Variants in BAG5 observed in about 807,000 individuals in gnomAD.
The protein encoded by BAG5 is BAG cochaperone 5.
A neutral mutation model predicts 31.8 loss-of-function variants in BAG5; 25 were observed. The observed-to-expected ratio is 0.79, with a 90% CI of 0.57 to 1.10. BAG5 has a LOEUF of 1.10. BAG5 is among the 50% of genes least tolerant of loss of function. The pLI, the probability that BAG5 is intolerant of heterozygous loss-of-function variation, is 0.00. For missense variants in BAG5, 491 were observed against 527.9 expected, an observed-to-expected ratio of 0.93 and a Z score of 0.68; for synonymous variants, 208 against 205.0, an observed-to-expected ratio of 1.01 and a Z score of -0.13.
chr14:103,562,079 C>T, intron 1 of BAG5: 3 of 1,020,482 alleles, frequency 2.9e-6, no homozygotes, highest in Non-Finnish European at 3.1e-6. Flanking sequence ...CCCGCCTCGC[C>T]CTTCCCTCTT....
chr14:103,560,507 G>A lies in BAG5; in HGVS notation c.658C>T (p.Leu220Phe). ...NETCRHLSCV[L>F]SGLIADLDAL... ...TCCAGGTCAGCGATCAGCCCCGAGA[G>A]CACACAGGATAAGTGCCTGCAGGTC... Residue 220 changes from leucine to phenylalanine, a missense_variant, in exon 2 of 2, where the codon CTC becomes TTC. Coordinates refer to ENST00000299204, the MANE Select transcript of BAG5 (RefSeq NM_001015048.3). The A allele has an allele frequency of 6.2e-7, 1 of 1,614,034 alleles. No individual in the cohort carries two copies. Among genetic ancestry groups the A allele is most frequent in the Non-Finnish European group, 8.5e-7 (1 of 1,180,022 alleles).
At chr14:103,562,161 G>T (rs937820076) in intron 1 of BAG5, 1 of 637,076 alleles carries the variant, frequency 1.6e-6, no homozygotes, top group East Asian at 2.7e-5. Flanking sequence ...CGAGGTGGAA[G>T]ATCAGCCCTT....
In BAG5 at chr14:103,558,020, A is replaced by C. The variant is rs1374190666; in HGVS notation, c.*1801T>G. The C allele has an allele frequency of 6.6e-6, 1 of 152,176 alleles. No homozygotes were observed. The allele number at this position is 152,176 out of a possible 1,614,324, so 9.4% of individuals were successfully genotyped here. A position where few individuals can be genotyped will look rare whatever the true frequency, so the allele number is the denominator to read the frequency against. ...AAATAAAAAATAAAAACTCTTCCTC[A>C]AGATTTTAAGAGCATTCTAAAATTA... On this transcript the variant is annotated 3_prime_UTR_variant, in exon 2 of 2. Coordinates refer to ENST00000299204, the MANE Select transcript of BAG5 (RefSeq NM_001015048.3).
rs879198218 is a variant in BAG5 at position 103,560,956 on chromosome 14, C to G, written c.209G>C (p.Arg70Pro). Reference protein sequence around the residue: ...GKGDIQQARKRAAQETERLLK... With the variant: ...GKGDIQQARKPAAQETERLLK... ...AAGACGTTCTGTCTCCTGTGCTGCC[C>G]GCTTCCTAGCTTGCTGAATATCTCC... Residue 70 changes from arginine to proline, a missense_variant, in exon 2 of 2, where the codon CGG (arginine) becomes CCG (proline). Coordinates refer to ENST00000299204, the MANE Select transcript of BAG5 (RefSeq NM_001015048.3). 1 of 1,614,028 alleles carries G rather than the reference C, an allele frequency of 6.2e-7. No individual in the cohort carries two copies. Among genetic ancestry groups the G allele is most frequent in the Non-Finnish European group, 8.5e-7 (1 of 1,180,038 alleles).
At chr14:103,561,712 C>G in intron 1 of BAG5, 1 of 567,736 alleles carries the variant, frequency 1.8e-6, no homozygotes, top group Non-Finnish European at 3.1e-6. Flanking sequence ...ACCCTTTTAG[C>G]TCCTCACACA....
Position 103,560,881 on chromosome 14 carries a change from T to C in BAG5, c.284A>G (p.Gln95Arg), listed in dbSNP as rs756494455. ...GGACTGGGCTTCCTCAAAAATGTTC[T>C]GTATTTCAATCCGGTGTGGGTGGTT... ...NANHPHRIEI[Q>R]NIFEEAQSLV... The change falls in exon 2 of 2, where the codon CAG becomes CGG. Residue 95 changes from glutamine (Q) to arginine (R), a missense_variant. Gln to Arg is a conservative substitution (Grantham distance 43). Coordinates refer to ENST00000299204, the MANE Select transcript of BAG5 (RefSeq NM_001015048.3). The C allele has an allele frequency of 1.9e-6, 3 of 1,614,188 alleles. No individual in the cohort carries two copies. The highest frequency in any genetic ancestry group is 1.1e-5 in the South Asian group (1 of 91,080).
rs929110915 is a variant in BAG5 at position 103,559,768 on chromosome 14, A to G, written c.*53T>C. ...TCAATGAACTGAAAGCTCTCTATAC[A>G]TAGAAGCACATATGAAGTGCAAAAC... On this transcript the variant is annotated 3_prime_UTR_variant, in exon 2 of 2. Coordinates refer to ENST00000299204, the MANE Select transcript of BAG5 (RefSeq NM_001015048.3). 3.8e-6 allele frequency: 6 copies of G among 1,562,528 alleles called. No individual in the cohort carries two copies. Among genetic ancestry groups the G allele is most frequent in the South Asian group, 3.5e-5 (3 of 86,542 alleles).
chr14:103,562,243 G>T (rs765915593), intron 1 of BAG5: 5 of 528,438 alleles, frequency 9.5e-6, no homozygotes, highest in South Asian at 8.7e-5. Context: ...TCTGAGCGGG[G>T]CAGCCGGTGA....
rs2076045008 is a variant in BAG5, at chr14:103,557,416, C to T, written c.*2405G>A. ...TCAATCAAGGTCAATCTGATCATTT[C>T]CATGACCAATTACCCATGTGAACAA... On this transcript the variant is annotated 3_prime_UTR_variant, in exon 2 of 2. Transcript: ENST00000299204. The T allele has an allele frequency of 6.6e-6, 1 of 152,120 alleles. No homozygotes were observed. The highest frequency in any genetic ancestry group is 6.6e-5 in the Admixed American group (1 of 15,254). 9.4% of individuals were successfully genotyped at this position (152,120 alleles called of 1,614,324 possible). A position where few individuals can be genotyped will look rare whatever the true frequency, so the allele number is the denominator to read the frequency against.
At chr14:103,562,077 G>A (rs910605508) in intron 1 of BAG5, 2 of 1,029,244 alleles carry the variant, frequency 1.9e-6, no homozygotes, top group East Asian at 2.4e-5. Flanking sequence ...TCCCCGCCTC[G>A]CCCTTCCCTC....
In BAG5 at chr14:103,561,336, T is replaced by C. The variant is rs139608073; in HGVS notation, c.-28-144A>G. 2,047 of 788,518 alleles carry C rather than the reference T, an allele frequency of 2.6e-3. 6 individuals are homozygous for C. The highest frequency in any genetic ancestry group is 3.5e-3 in the Non-Finnish European group (1,790 of 506,792). The allele number at this position is 788,518 out of a possible 1,614,324, so 48.8% of individuals were successfully genotyped here. A position where few individuals can be genotyped will look rare whatever the true frequency, so the allele number is the denominator to read the frequency against. On this transcript the variant is annotated intron_variant, in intron 1 of 1. Coordinates refer to ENST00000299204, the MANE Select transcript of BAG5 (RefSeq NM_001015048.3). The stretch of plus-strand genomic sequence containing the variant: ...CACCTCAGCCTCCCCAGTAGCTGGG[T>C]CTACAGTCGTACACCACTACGCCCA...
intron 1 of BAG5, 28 bp from the exon 2 acceptor site, chr14:103,561,220 C>CTA: frequency 6.4e-7 from 1 of 1,558,452 alleles, no homozygotes; most frequent in South Asian, 1.2e-5. Flanking sequence ...TGATAACTTA[C>CTA]TACAGCACAA....
intron 1 of BAG5, chr14:103,562,159 A>G: frequency 1.6e-6 from 1 of 640,780 alleles, no homozygotes; most frequent in South Asian, 1.8e-5. Flanking sequence ...GGCGAGGTGG[A>G]AGATCAGCCC....
chr14:103,560,601 G>A lies in BAG5; in HGVS notation c.564C>T (p.Phe188=), dbSNP rs770361362. 1.1e-5 allele frequency: 17 copies of A among 1,614,030 alleles called. 1 individual carries two copies. The highest frequency in any genetic ancestry group is 1.4e-5 in the Non-Finnish European group (16 of 1,180,030). The change falls in exon 2 of 2, where the codon TTC becomes TTT. Residue 188 remains phenylalanine (F), a synonymous_variant. Transcript: ENST00000299204. ...GGGCCTTGTTCACCTCACACATCAC[G>A]AAGTTGATTTTGGCAACGGAAGGAT... ...DAHPSVAKIN[F]VMCEVNKARG...
At chr14:103,561,626 A>G in intron 1 of BAG5, 1 of 435,576 alleles carries the variant, frequency 2.3e-6, no homozygotes, top group Non-Finnish European at 4.1e-6. Context: ...CCAGAACAAA[A>G]ACCAGTGGCT....
At position 103,560,855 on chromosome 14, in the gene BAG5, G is replaced by A. The variant is rs761965282; in HGVS notation, c.310C>T (p.Leu104Phe). ...AATGGCACAATTTTCTCTCTCACGA[G>A]GGACTGGGCTTCCTCAAAAATGTTC... is the stretch of plus-strand genomic sequence containing the variant. ...IQNIFEEAQS[L>F]VREKIVPFYN... Residue 104 changes from leucine to phenylalanine, a missense_variant, in exon 2 of 2, where the codon CTC becomes TTC. Transcript: ENST00000299204. 3.7e-6 allele frequency: 6 copies of A among 1,613,984 alleles called. No individual in the cohort carries two copies. The highest frequency in any genetic ancestry group is 1.3e-5 in the African/African-American group (1 of 74,882).
intron 1 of BAG5, chr14:103,562,387 G>A (rs1183941619): frequency 3.7e-6 from 1 of 267,906 alleles, no homozygotes; most frequent in Non-Finnish European, 7.2e-6. Flanking sequence ...GGGAGGAGGG[G>A]AACCGAGGCC....
In BAG5 at chr14:103,556,762, T is replaced by C. The variant is rs967363640; in HGVS notation, c.*3059A>G. On this transcript the variant is annotated 3_prime_UTR_variant, in exon 2 of 2. Transcript: ENST00000299204. ...AATATTTCTCTTATTAAGAGAAAAA[T>C]ACCCAACAAATTAAAAGGTGAAAAG... 8.6e-5 allele frequency: 13 copies of C among 150,954 alleles called. No homozygotes were observed. Among genetic ancestry groups the C allele is most frequent in the African/African-American group, 2.9e-4 (12 of 40,938 alleles). The allele number at this position is 150,954 out of a possible 1,614,324, so 9.4% of individuals were successfully genotyped here.
rs955813970 is a variant in BAG5, at chr14:103,559,552, ATTTTG to A, written c.*264_*268del. 8.4e-6 allele frequency: 3 copies of A among 357,904 alleles called. No homozygotes were observed. Among genetic ancestry groups the A allele is most frequent in the Non-Finnish European group, 1.5e-5 (3 of 197,798 alleles). 22.2% of individuals were successfully genotyped at this position (357,904 alleles called of 1,614,324 possible). ...TTTAAAATCTACAAAAGCTGCCTCT[ATTTTG>A]TTTTCTGATTAAAAACGCAAAAAAA... On this transcript the variant is annotated 3_prime_UTR_variant, in exon 2 of 2. Transcript: ENST00000299204.
Sources: allele counts gnomAD v4.1 joint callset, GRCh38; gene constraint gnomAD v4.1.1; transcripts MANE v1.5; gene names NCBI Gene and HGNC (gene_info 2026-07-23, HGNC 2026-07-21).